Variants in NES observed in about 807,000 individuals in gnomAD.
The protein encoded by NES is nestin.
In NES, 27 loss-of-function variants were observed where a neutral mutation model predicts 35.6. The observed-to-expected ratio is 0.76, with a 90% confidence interval of 0.56 to 1.04. The LOEUF is 1.04. NES is among the 50% of genes least tolerant of loss of function. NES has a pLI of 0.00. For synonymous variants in NES, 822 were observed against 824.2 expected (o/e 1.00, Z 0.04); for missense variants, 1,867 against 1,983.6 (o/e 0.94, Z 1.12).
Position 156,677,115 on chromosome 1 carries a change from G to C in NES, c.150C>G (p.Thr50=), listed in dbSNP as rs769385047. ...LGGLRAQSAD[T]SWRAHADDEL... ...CGTCGTCGGCATGCGCCCGCCAGGAGGTGTCCGCGGATTGTGCCCGGAGCC... is the reference window on the plus strand; with the variant it reads ...CGTCGTCGGCATGCGCCCGCCAGGACGTGTCCGCGGATTGTGCCCGGAGCC... The change falls in exon 1 of 4, where the codon ACC becomes ACG. Residue 50 remains threonine, a synonymous_variant. Coordinates refer to ENST00000368223, the MANE Select transcript of NES (RefSeq NM_006617.2). The surrounding 1 kb of genome is among the most constrained non-coding windows in gnomAD (Gnocchi z 4.5). 2 of 1,606,746 alleles carry C rather than the reference G, an allele frequency of 1.2e-6. No homozygotes were observed. Among genetic ancestry groups the C allele is most frequent in the Admixed American group, 3.4e-5 (2 of 59,438 alleles).
At chr1:156,675,067 C>T (rs1337687621) in intron 2 of NES, 149 bp downstream of exon 2, 4 of 961,962 alleles carry the variant, frequency 4.2e-6, no homozygotes, top group South Asian at 1.8e-5. Context: ...AGGACATGTT[C>T]CGGTGTGGAA....
chr1:156,672,593 T>C lies in NES; in HGVS notation c.1595A>G (p.Lys532Arg), dbSNP rs1679759173. ...AGGAACCTGGGAGTCCTGGATTTCC[T>C]TCCTGTTTAGATCCTCTTCTTCCCA... ...EIWEEEDLNR[K>R]EIQDSQVPLE... is the part of the protein sequence containing the mutation. The change falls in exon 4 of 4, where the codon AAG becomes AGG. Residue 532 changes from lysine (K) to arginine (R), a missense_variant. Physicochemically the swap from Lys to Arg is conservative, Grantham distance 26 (BLOSUM62 2). Transcript: ENST00000368223. 1.9e-6 allele frequency: 3 copies of C among 1,613,734 alleles called. No individual in the cohort carries two copies. The highest frequency in any genetic ancestry group is 2.2e-5 in the East Asian group (1 of 44,898).
At position 156,669,327 on chromosome 1, in the gene NES, C is replaced by T; in HGVS notation, c.4861G>A (p.Asp1621Asn). Residue 1621 changes from aspartate to asparagine, a missense_variant, in exon 4 of 4, where the codon GAC becomes AAC. Coordinates refer to ENST00000368223, the MANE Select transcript of NES (RefSeq NM_006617.2). The stretch of plus-strand genomic sequence containing the variant: ...GCCGGGCAGATGGTCTTTTCCTAGT[C>T]CTCCCCTGAGGACCAGGACTCTCTA... ...GDRESWSSGED is the reference protein window; with the variant it reads ...GDRESWSSGEN 1 of 1,553,158 alleles carries T rather than the reference C, an allele frequency of 6.4e-7. No homozygotes were observed. The highest frequency in any genetic ancestry group is 8.7e-7 in the Non-Finnish European group (1 of 1,144,750).
chr1:156,675,347 G>C lies in NES; in HGVS notation c.784-7C>G. The stretch of plus-strand genomic sequence containing the variant: ...CCAGGGCCTCCACAGCCAGCTGCAG[G>C]GCAGGCGAGAGGCAGTCAGTGGAGG... On this transcript the variant is annotated splice_polypyrimidine_tract_variant and splice_region_variant and intron_variant, in intron 1 of 3. Coordinates refer to ENST00000368223, the MANE Select transcript of NES (RefSeq NM_006617.2). The C allele has an allele frequency of 6.2e-7, 1 of 1,602,010 alleles. No homozygotes were observed. The highest frequency in any genetic ancestry group is 8.5e-7 in the Non-Finnish European group (1 of 1,171,698).
chr1:156,669,850 G>A lies in NES; in HGVS notation c.4338C>T (p.Leu1446=). The A allele has an allele frequency of 6.2e-7, 1 of 1,613,912 alleles. No homozygotes were observed. Among genetic ancestry groups the A allele is most frequent in the Non-Finnish European group, 8.5e-7 (1 of 1,179,954 alleles). ...RWGPGSSVGS[L]QALSSSQRGE... ...CTCTCTGGGAGCTACTCAGGGCCTG[G>A]AGGCTGCCAACAGAAGACCCTGGCC... Residue 1446 remains leucine, a synonymous_variant, in exon 4 of 4, where the codon CTC becomes CTT. Coordinates refer to ENST00000368223, the MANE Select transcript of NES (RefSeq NM_006617.2).
At position 156,675,257 on chromosome 1, in the gene NES, C is replaced by T. The variant is rs375750131; in HGVS notation, c.867G>A (p.Ala289=). The T allele has an allele frequency of 6.4e-5, 103 of 1,613,658 alleles. 1 individual carries two copies. The South Asian group carries it at 9.6e-4, about 15-fold the overall frequency. The part of the protein sequence containing the change: ...AQVLEGRQQL[A]HLKMSLSLEV... ...CCAGGCTGAGGGACATCTTGAGGTG[C>T]GCCAGCTGCTGCCGACCTTCCAGGA... is the stretch of plus-strand genomic sequence containing the variant. The change falls in exon 2 of 4, where the codon GCG becomes GCA. Residue 289 remains alanine, a synonymous_variant. Coordinates refer to ENST00000368223, the MANE Select transcript of NES (RefSeq NM_006617.2).
chr1:156,675,386 T>G, intron 1 of NES, 46 bp from the exon 2 acceptor site: 1 of 1,551,724 alleles, frequency 6.4e-7, no homozygotes, highest in Non-Finnish European at 8.7e-7. Context: ...TGGGGTCCCT[T>G]CTGTGAACCA....
Position 156,672,872 on chromosome 1 carries a change from C to A in NES, c.1316G>T (p.Ser439Ile). Residue 439 changes from serine to isoleucine, a missense_variant, in exon 4 of 4, where the codon AGC (serine) becomes ATC (isoleucine). Ser to Ile is a moderately radical substitution (Grantham distance 142). Coordinates refer to ENST00000368223, the MANE Select transcript of NES (RefSeq NM_006617.2). ...AGGCTCCTCTGGTCCAGGCAGGACG[C>A]TGGCAGGAATGGCCACCCTGGCTTC... ...RAEARVAIPA[S>I]VLPGPEEPGG... is the part of the protein sequence containing the mutation. 6.2e-7 allele frequency: 1 copy of A among 1,613,924 alleles called. No homozygotes were observed. The highest frequency in any genetic ancestry group is 8.5e-7 in the Non-Finnish European group (1 of 1,180,040).
In NES at chr1:156,670,492, G is replaced by A. The variant is rs778626971; in HGVS notation, c.3696C>T (p.Ala1232=). ...SPTYTPILED[A]PGPQPQAEGS... is the part of the protein sequence containing the mutation. ...CTTCAGCCTGAGGCTGAGGCCCAGG[G>A]GCATCTTCCAGGATCGGGGTGTACG... Residue 1232 remains alanine (A), a synonymous_variant, in exon 4 of 4, where the codon GCC becomes GCT. Coordinates refer to ENST00000368223, the MANE Select transcript of NES (RefSeq NM_006617.2). 2 of 1,586,320 alleles carry A rather than the reference G, an allele frequency of 1.3e-6. No individual in the cohort carries two copies. The highest frequency in any genetic ancestry group is 1.7e-6 in the Non-Finnish European group (2 of 1,163,926).
Position 156,670,124 on chromosome 1 carries a change from C to G in NES, c.4064G>C (p.Gly1355Ala), listed in dbSNP as rs1424586663. The change falls in exon 4 of 4, where the codon GGA becomes GCA. Residue 1355 changes from glycine to alanine, a missense_variant. Physicochemically the swap from Gly to Ala is moderately conservative, Grantham distance 60. Transcript: ENST00000368223. The stretch of plus-strand genomic sequence containing the variant: ...AGAGTCACGGCCACACTCCTCTTCT[C>G]CCTCCTCCCCCTCCTCCTTTTCTGA... ...PPSEKEEGEEGEEECGRDSDL... is the reference protein window; with the variant it reads ...PPSEKEEGEEAEEECGRDSDL... 6.2e-7 allele frequency: 1 copy of G among 1,613,958 alleles called. No individual in the cohort carries two copies. Among genetic ancestry groups the G allele is most frequent in the East Asian group, 2.2e-5 (1 of 44,878 alleles).
Position 156,676,680 on chromosome 1 carries a change from C to A in NES, c.585G>T (p.Glu195Asp). The change falls in exon 1 of 4, where the codon GAG (glutamate) becomes GAT (aspartate). Residue 195 changes from glutamate (E) to aspartate (D), a missense_variant. By Grantham distance (45) the Glu-to-Asp change is conservative. Coordinates refer to ENST00000368223, the MANE Select transcript of NES (RefSeq NM_006617.2). This position sits in a 1 kb window ranked among gnomAD's most constrained non-coding sequence, Gnocchi z 5.3. ...AWRGAVRGYQ[E>D]RVAHMETSLG... ...GCGACGTCTCCATGTGTGCCACGCG[C>A]TCCTGGTAGCCGCGCACTGCCCCGC... 6.7e-7 allele frequency: 1 copy of A among 1,502,890 alleles called. No homozygotes were observed. Among genetic ancestry groups the A allele is most frequent in the Admixed American group, 2.2e-5 (1 of 44,702 alleles). 93.1% of individuals were successfully genotyped at this position (1,502,890 alleles called of 1,614,324 possible).
rs539042324 is a variant in NES at position 156,671,946 on chromosome 1, C to T, written c.2242G>A (p.Glu748Lys). Residue 748 changes from glutamate to lysine, a missense_variant, in exon 4 of 4, where the codon GAA becomes AAA. Transcript: ENST00000368223. ...CTCAATGTCTCTTGGTCCTGTTCTT[C>T]TAAAGACCTCAGTGATTTGTGATTC... Reference protein sequence around the residue: ...TENHKSLRSLEEQDQETLRTL... With the variant: ...TENHKSLRSLKEQDQETLRTL... The T allele has an allele frequency of 1.9e-6, 3 of 1,614,192 alleles. No individual in the cohort carries two copies. The highest frequency in any genetic ancestry group is 2.2e-5 in the South Asian group (2 of 91,088).
At position 156,670,455 on chromosome 1, in the gene NES, C is replaced by A. The variant is rs780107285; in HGVS notation, c.3733G>T (p.Ala1245Ser). ...PQPQAEGSQE[A>S]SWGVQGRAEA... ...GCCCTCCCCTGCACCCCCCAGCTAG[C>A]CTCCTGACTCCCTTCAGCCTGAGGC... The change falls in exon 4 of 4, where the codon GCT becomes TCT. Residue 1245 changes from alanine (A) to serine (S), a missense_variant. Ala to Ser is a moderately conservative substitution (Grantham distance 99). Transcript: ENST00000368223. 301 of 1,561,568 alleles carry A rather than the reference C, an allele frequency of 1.9e-4. No homozygotes were observed. Among genetic ancestry groups the A allele is most frequent in the Non-Finnish European group, 2.4e-4 (280 of 1,153,662 alleles).
In NES at chr1:156,669,305, G is replaced by A. The variant is rs372795142; in HGVS notation, c.*17C>T. 2.6e-5 allele frequency: 40 copies of A among 1,521,058 alleles called. No homozygotes were observed. Among genetic ancestry groups the A allele is most frequent in the Middle Eastern group, 1.8e-4 (1 of 5,664 alleles). The allele number at this position is 1,521,058 out of a possible 1,614,324, so 94.2% of individuals were successfully genotyped here. A position where few individuals can be genotyped will look rare whatever the true frequency, so the allele number is the denominator to read the frequency against. ...CCCGCACCCCTAAGTCCCCAGTGCC[G>A]GGCAGATGGTCTTTTCCTAGTCCTC... is the stretch of plus-strand genomic sequence containing the variant. On this transcript the variant is annotated 3_prime_UTR_variant, in exon 4 of 4. Transcript: ENST00000368223.
rs145265434 is a variant in NES at position 156,677,341 on chromosome 1, C to G, written c.-77G>C. The G allele has an allele frequency of 8.0e-4, 612 of 762,756 alleles. 1 individual carries two copies. In the African/African-American group the frequency reaches 0.012, roughly 15 times the overall value. 47.2% of individuals were successfully genotyped at this position (762,756 alleles called of 1,614,324 possible). On this transcript the variant is annotated 5_prime_UTR_variant, in exon 1 of 4. Coordinates refer to ENST00000368223, the MANE Select transcript of NES (RefSeq NM_006617.2). This position sits in a 1 kb window ranked among gnomAD's most constrained non-coding sequence, Gnocchi z 4.5. ...GGAGCGGCTCGCAGAGCTTTTAGGACGGAAGAGAAAAGAGACCGACGGGGA... is the reference window on the plus strand; with the variant it reads ...GGAGCGGCTCGCAGAGCTTTTAGGAGGGAAGAGAAAAGAGACCGACGGGGA...
chr1:156,673,089 G>A lies in NES; in HGVS notation c.1099C>T (p.Pro367Ser), dbSNP rs1679770014. 3.1e-6 allele frequency: 5 copies of A among 1,605,606 alleles called. No homozygotes were observed. Among genetic ancestry groups the A allele is most frequent in the Admixed American group, 1.7e-5 (1 of 59,612 alleles). ...PSPLPATLET[P>S]VPAFLKNQEF... ...TGGTTCTTAAGAAAGGCTGGCACAG[G>A]TGTCTCAAGGGTAGCAGGCAAGGGT... Residue 367 changes from proline (P) to serine (S), a missense_variant, in exon 4 of 4, where the codon CCT becomes TCT. Coordinates refer to ENST00000368223, the MANE Select transcript of NES (RefSeq NM_006617.2).
In NES at chr1:156,673,594, G is replaced by C. The variant is rs534916822; in HGVS notation, c.909-67C>G. 6 of 1,233,564 alleles carry C rather than the reference G, an allele frequency of 4.9e-6. No homozygotes were observed. The East Asian group carries it at 1.4e-4, about 29-fold the overall frequency. 76.4% of individuals were successfully genotyped at this position (1,233,564 alleles called of 1,614,324 possible). A position where few individuals can be genotyped will look rare whatever the true frequency, so the allele number is the denominator to read the frequency against. ...CAGGCCTGCAGGCAGCAAGCCAGCT[G>C]GGGACAACTCAGGCTGAGCTTGCAC... On this transcript the variant is annotated intron_variant, in intron 2 of 3. Transcript: ENST00000368223.
In NES at chr1:156,670,107, G is replaced by C. The variant is rs148115711; in HGVS notation, c.4081C>G (p.Arg1361Gly). ...EGEEGEEECGRDSDLSEEFED... is the reference protein window; with the variant it reads ...EGEEGEEECGGDSDLSEEFED... Reference sequence around the variant, plus strand: ...AATTCTTCTGACAGGTCAGAGTCACGGCCACACTCCTCTTCTCCCTCCTCC... The same window carrying C: ...AATTCTTCTGACAGGTCAGAGTCACCGCCACACTCCTCTTCTCCCTCCTCC... Residue 1361 changes from arginine to glycine, a missense_variant, in exon 4 of 4, where the codon CGT (arginine) becomes GGT (glycine). Transcript: ENST00000368223. 1.2e-6 allele frequency: 2 copies of C among 1,613,880 alleles called. No homozygotes were observed. The highest frequency in any genetic ancestry group is 1.7e-6 in the Non-Finnish European group (2 of 1,179,936).
chr1:156,670,931 G>A lies in NES; in HGVS notation c.3257C>T (p.Ser1086Leu). ...AGCAGACTCACCCATGGCAGGCTCT[G>A]ACCCCAACATGACCTCTGGGGAGGC... The part of the protein sequence containing the change: ...DQASPEVMLG[S>L]EPAMGESAAG... Residue 1086 changes from serine to leucine, a missense_variant, in exon 4 of 4, where the codon TCA becomes TTA. Physicochemically the swap from Ser to Leu is moderately radical, Grantham distance 145. Coordinates refer to ENST00000368223, the MANE Select transcript of NES (RefSeq NM_006617.2). 1 of 1,609,638 alleles carries A rather than the reference G, an allele frequency of 6.2e-7. No individual in the cohort carries two copies. Among genetic ancestry groups the A allele is most frequent in the Non-Finnish European group, 8.5e-7 (1 of 1,178,692 alleles).
Sources: allele counts gnomAD v4.1 joint callset, GRCh38; gene constraint gnomAD v4.1.1; non-coding constraint Gnocchi (gnomAD v3.1); transcripts MANE v1.5; gene names NCBI Gene and HGNC (gene_info 2026-07-23, HGNC 2026-07-21).